The following WDR7 variants were observed in gnomAD, a reference collection of about 807,000 sequenced individuals.
WDR7 encodes the protein WD repeat domain 7.
A neutral mutation model predicts 169.4 loss-of-function variants in WDR7; 46 were observed. The ratio of observed to expected loss-of-function variants is 0.27; its 90% confidence interval spans 0.21 to 0.35. WDR7 has a LOEUF of 0.35. Among genes scored for constraint, WDR7 ranks in the 10% least tolerant of loss-of-function variants. The pLI is 1.00. For missense variants in WDR7, 1,534 were observed against 1,859.3 expected (o/e 0.83, Z 3.22); for synonymous variants, 612 against 666.8 (o/e 0.92, Z 1.27).
At chr18:56,762,520 C>G (rs1281869215) in intron 16 of WDR7, among the ~76,000 whole-genome samples, 1 of 151,922 alleles carries the variant, frequency 6.6e-6, no homozygotes, top group African/African-American at 2.4e-5. Context: ...TTAGGAGTTT[C>G]TCTGATTCTA....
At chr18:56,699,766 A>G in intron 12 of WDR7, 8 of 954,576 alleles carry the variant, frequency 8.4e-6, no homozygotes, top group Non-Finnish European at 1.0e-5. Flanking sequence ...CAGCTAAATA[A>G]TTCATTATTT....
At chr18:56,747,269 GTGAC>G (rs1174571483) in intron 14 of WDR7, among the ~76,000 whole-genome samples, 2 of 152,232 alleles carry the variant, frequency 1.3e-5, no homozygotes, top group Admixed American at 1.3e-4. Flanking sequence ...GTGACCTTAG[GTGAC>G]TGACTGACTT....
At chr18:56,923,744 C>T (rs1318446625) in intron 21 of WDR7, among the ~76,000 whole-genome samples, 178 bp from the exon 22 acceptor site, 2 of 152,136 alleles carry the variant, frequency 1.3e-5, no homozygotes, top group African/African-American at 4.8e-5. Context: ...CCTAACTTTT[C>T]TCTTCAAAGA....
chr18:56,883,414 CT>C (rs912855984), intron 21 of WDR7, among the ~76,000 whole-genome samples: 1 of 151,196 alleles, frequency 6.6e-6, no homozygotes, highest in African/African-American at 2.4e-5. Context: ...TTCTATATGA[CT>C]TTTCTTTTAA....
At chr18:56,854,929 G>T (rs2145383387) in intron 20 of WDR7, among the ~76,000 whole-genome samples, 1 of 152,180 alleles carries the variant, frequency 6.6e-6, no homozygotes, top group South Asian at 2.1e-4. Context: ...AAGGGCTAAG[G>T]GAGTTATGAG....
chr18:56,958,897 A>G (rs1471572629), intron 25 of WDR7, among the ~76,000 whole-genome samples: 1 of 152,178 alleles, frequency 6.6e-6, no homozygotes, highest in African/African-American at 2.4e-5. Context: ...TTTCTGTTGC[A>G]TCCTACTTGC....
intron 20 of WDR7, among the ~76,000 whole-genome samples, chr18:56,830,451 CTTAGGAA>C (rs991224779): frequency 3.9e-5 from 6 of 152,104 alleles, no homozygotes; most frequent in African/African-American, 1.4e-4. Context: ...TATCAATTGA[CTTAGGAA>C]TTAGGGAAGA....
intron 21 of WDR7, among the ~76,000 whole-genome samples, chr18:56,914,557 T>C (rs930522256): frequency 2.0e-5 from 3 of 152,172 alleles, no homozygotes; most frequent in Non-Finnish European, 4.4e-5. Context: ...CTTCCATCTC[T>C]TTCGCTCATG....
intron 11 of WDR7, 45 bp downstream of exon 11, chr18:56,695,243 T>C: frequency 6.3e-7 from 1 of 1,578,040 alleles, no homozygotes; most frequent in South Asian, 1.1e-5. Flanking sequence ...TGACAACTCT[T>C]ACCCAGAGAG....
chr18:56,989,804 A>G (rs1390704877), intron 26 of WDR7, among the ~76,000 whole-genome samples: 3 of 152,148 alleles, frequency 2.0e-5, no homozygotes, highest in Non-Finnish European at 2.9e-5. Context: ...TACATTGAAA[A>G]TGTCCAGAAT....
chr18:56,910,305 G>C (rs2046535377), intron 21 of WDR7, among the ~76,000 whole-genome samples: 1 of 152,098 alleles, frequency 6.6e-6, no homozygotes, highest in Non-Finnish European at 1.5e-5. Context: ...TATGTTAGTA[G>C]CTTCTATAGA....
intron 21 of WDR7, among the ~76,000 whole-genome samples, chr18:56,903,602 T>G (rs2046433855): frequency 6.6e-6 from 1 of 151,930 alleles, no homozygotes; most frequent in African/African-American, 2.4e-5. Context: ...GTATTTTTAG[T>G]AGAGACAGGG....
chr18:56,966,450 A>T (rs1460186808), intron 26 of WDR7, among the ~76,000 whole-genome samples: 1 of 152,084 alleles, frequency 6.6e-6, no homozygotes, highest in Non-Finnish European at 1.5e-5. Flanking sequence ...CTTGATGAAG[A>T]GTAAATAGAT....
intron 27 of WDR7, among the ~76,000 whole-genome samples, chr18:57,025,972 A>G (rs1196580193): frequency 1.3e-5 from 2 of 152,244 alleles, no homozygotes; most frequent in Non-Finnish European, 2.9e-5. Context: ...GTTATACTGG[A>G]GAGAAGCATT....
At chr18:57,034,860 TCTC>T in the WDR7 span, 1 of 151,918 alleles carries the variant, frequency 6.6e-6, no homozygotes, top group Admixed American at 6.5e-5. Context: ...GAGAGCTTCA[TCTC>T]CTACAGCCAA....
In WDR7 at chr18:56,855,802, C is replaced by T. The variant is rs1378526614; in HGVS notation, c.3305-24142C>T. Among the ~76,000 whole-genome samples the T allele has an allele frequency of 2.6e-5, 4 of 152,116 alleles. No homozygotes were observed. In the East Asian group the frequency reaches 5.8e-4, roughly 22 times the overall value. Reference sequence around the variant, plus strand: ...CTTGGCCCTTTGTTGTTCTCTAATACATTTTGTAGATAAATTAATTATTCA... The same window carrying T: ...CTTGGCCCTTTGTTGTTCTCTAATATATTTTGTAGATAAATTAATTATTCA... On this transcript the variant is annotated intron_variant, in intron 20 of 27. Coordinates refer to ENST00000254442, the MANE Select transcript of WDR7 (RefSeq NM_015285.3).
chr18:56,893,563 G>C (rs2046293206), intron 21 of WDR7, among the ~76,000 whole-genome samples: 1 of 151,964 alleles, frequency 6.6e-6, no homozygotes, highest in Admixed American at 6.6e-5. Flanking sequence ...AGTCTATTTT[G>C]TTTCTTTGCC....
rs1043332862 is a variant in WDR7, at chr18:56,652,536, A to T, written c.-20+960A>T. Reference sequence around the variant, plus strand: ...ACAAACTCGTGGCTGTATGAAGGTCAGCTTAAAAGTGAACATAATGTGTTG... The same window carrying T: ...ACAAACTCGTGGCTGTATGAAGGTCTGCTTAAAAGTGAACATAATGTGTTG... On this transcript the variant is annotated intron_variant, in intron 1 of 27. Coordinates refer to ENST00000254442, the MANE Select transcript of WDR7 (RefSeq NM_015285.3). Among the ~76,000 whole-genome samples the T allele has an allele frequency of 3.3e-5, 5 of 152,250 alleles. No individual in the cohort carries two copies. In the East Asian group the frequency reaches 7.7e-4, roughly 23 times the overall value.
In WDR7 at chr18:56,773,001, C is replaced by T. The variant is rs1057419925; in HGVS notation, c.2849-3781C>T. ...AGGGGAATCCTGTATTCAAAATGAG[C>T]TTTTTAATACTGTTTGACGTATTAA... On this transcript the variant is annotated intron_variant, in intron 16 of 27. Transcript: ENST00000254442. 3.9e-5 allele frequency among the ~76,000 whole-genome samples: 6 copies of T among 152,110 alleles called. No homozygotes were observed. In the South Asian group the frequency reaches 1.0e-3, roughly 26 times the overall value.
Sources: gnomAD v4.1 joint callset for allele counts (sites outside exome capture counted in the v4.1 genomes callset) on GRCh38, gnomAD v4.1.1 for gene constraint, MANE v1.5 for transcripts, NCBI Gene and HGNC (gene_info 2026-07-23, HGNC 2026-07-21) for gene names.